The following MAST4 variants were observed in gnomAD, a reference collection of about 807,000 sequenced individuals.
MAST4 encodes the protein microtubule-associated serine/threonine-protein kinase 4.
Under a neutral mutation model 162.7 loss-of-function variants are expected in MAST4, and 89 were observed. The ratio of observed to expected loss-of-function variants is 0.55; its 90% confidence interval spans 0.46 to 0.65. The LOEUF (loss-of-function observed/expected upper bound fraction) is 0.65, where lower values mean the gene tolerates loss of function less well. Ranked by LOEUF, MAST4 falls within the 30% of genes least tolerant of loss-of-function variation. The pLI is 0.00. For synonymous variants in MAST4, 1,479 were observed against 1,361.1 expected (o/e 1.09, Z -1.91); for missense variants, 3,153 against 3,374.0 (o/e 0.93, Z 1.62).
At chr5:67,018,316 G>A (rs1480786995) in intron 4 of MAST4, among the ~76,000 whole-genome samples, 2 of 152,138 alleles carry the variant, frequency 1.3e-5, no homozygotes, top group Admixed American at 1.3e-4. Flanking sequence ...GGTCATTTGA[G>A]CCCTGGAGTT....
chr5:67,068,329 G>A (rs1760491920), intron 5 of MAST4, among the ~76,000 whole-genome samples: 1 of 152,146 alleles, frequency 6.6e-6, no homozygotes, highest in African/African-American at 2.4e-5. Flanking sequence ...TGCATGGCTG[G>A]GAAGGCCTCA....
chr5:66,901,768 G>A (rs1177492852), intron 4 of MAST4, among the ~76,000 whole-genome samples: 1 of 152,010 alleles, frequency 6.6e-6, no homozygotes, highest in Non-Finnish European at 1.5e-5. Flanking sequence ...ATGCTATTTT[G>A]TATTTTCTAT....
chr5:66,822,477 G>A (rs1416943162), intron 3 of MAST4, among the ~76,000 whole-genome samples: 2 of 152,210 alleles, frequency 1.3e-5, no homozygotes, highest in Admixed American at 6.5e-5. Flanking sequence ...GTAAATAAAT[G>A]TGTTATATTT....
At chr5:66,887,785 C>T (rs542196986) in intron 3 of MAST4, among the ~76,000 whole-genome samples, 1 of 152,336 alleles carries the variant, frequency 6.6e-6, no homozygotes, top group Non-Finnish European at 1.5e-5. Flanking sequence ...GCAGCCACAG[C>T]TGTACTAGTT....
intron 4 of MAST4, among the ~76,000 whole-genome samples, chr5:66,976,590 G>A (rs1333447770): frequency 3.9e-5 from 6 of 152,232 alleles, no homozygotes; most frequent in Non-Finnish European, 8.8e-5. Context: ...CAACTTTGGA[G>A]AAAAGAACAA....
intron 23 of MAST4, among the ~76,000 whole-genome samples, chr5:67,146,037 G>T (rs184809575): frequency 6.6e-6 from 1 of 152,342 alleles, no homozygotes; most frequent in Admixed American, 6.5e-5. Context: ...GATTTAAATT[G>T]ATAGTTTACG....
intron 3 of MAST4, among the ~76,000 whole-genome samples, chr5:66,841,788 C>T (rs1580611299): frequency 2.0e-5 from 3 of 152,060 alleles, no homozygotes; most frequent in African/African-American, 7.2e-5. Context: ...CTAGCTCTGG[C>T]GAGGCAAATG....
At chr5:66,675,986 G>A (rs747365506) in intron 1 of MAST4, among the ~76,000 whole-genome samples, 21 of 152,176 alleles carry the variant, frequency 1.4e-4, no homozygotes, top group Non-Finnish European at 2.5e-4. Context: ...TGGGAATCAC[G>A]TGTGTCCATC....
At chr5:67,011,122 T>C (rs1561530059) in intron 4 of MAST4, among the ~76,000 whole-genome samples, 1 of 152,160 alleles carries the variant, frequency 6.6e-6, no homozygotes, top group African/African-American at 2.4e-5. Flanking sequence ...GACTGTTCCT[T>C]TGTGACATGT....
chr5:66,978,798 A>C (rs1032555686), intron 4 of MAST4, among the ~76,000 whole-genome samples: 6 of 152,210 alleles, frequency 3.9e-5, no homozygotes, highest in Non-Finnish European at 5.9e-5. Context: ...TTGGAAATAG[A>C]CTATAGTGTT....
chr5:66,887,960 G>A (rs892557733), intron 3 of MAST4, among the ~76,000 whole-genome samples: 3 of 152,000 alleles, frequency 2.0e-5, no homozygotes, highest in African/African-American at 7.2e-5. Flanking sequence ...TGTAATCCCA[G>A]CACTTTGGGA....
chr5:66,666,773 C>T (rs1747288278), intron 1 of MAST4, among the ~76,000 whole-genome samples: 1 of 152,150 alleles, frequency 6.6e-6, no homozygotes, highest in Non-Finnish European at 1.5e-5. Context: ...AATTAATAGT[C>T]CTGAGAAATG....
At position 66,771,496 on chromosome 5, in the gene MAST4, T is replaced by C. The variant is rs905910143; in HGVS notation, c.517+11634T>C. On this transcript the variant is annotated intron_variant, in intron 2 of 28. Coordinates refer to ENST00000403625, the MANE Select transcript of MAST4 (RefSeq NM_001164664.2). ...CCACTGTGCCTGGCCTGTGTGTAAA[T>C]ATATTTCTATCGGGAGGCTCTGTAT... Among the ~76,000 whole-genome samples the C allele has an allele frequency of 2.6e-5, 4 of 152,250 alleles. No homozygotes were observed. The East Asian group carries it at 7.7e-4, about 29-fold the overall frequency.
intron 3 of MAST4, among the ~76,000 whole-genome samples, chr5:66,822,020 C>T (rs1757019726): frequency 6.6e-6 from 1 of 152,204 alleles, no homozygotes. Flanking sequence ...AAGGTTGCCT[C>T]TTCTTCACTT....
chr5:66,986,847 A>T (rs1749567134), intron 4 of MAST4, among the ~76,000 whole-genome samples: 1 of 151,974 alleles, frequency 6.6e-6, no homozygotes, highest in Admixed American at 6.6e-5. Context: ...CCTGGCCTCA[A>T]GCAATGCTCC....
At chr5:66,857,321 G>A (rs1580673239) in intron 3 of MAST4, among the ~76,000 whole-genome samples, 1 of 152,218 alleles carries the variant, frequency 6.6e-6, no homozygotes. Flanking sequence ...GGTGTGTCTA[G>A]TTTGGGTTTT....
At chr5:67,013,544 T>C (rs77541412) in intron 4 of MAST4, among the ~76,000 whole-genome samples, 4,078 of 152,298 alleles carry the variant, frequency 0.027, 188 homozygotes, top group African/African-American at 0.091. Context: ...AGTGTATGTT[T>C]ATGTCTCACG....
At position 66,703,449 on chromosome 5, in the gene MAST4, G is replaced by A. The variant is rs962391286; in HGVS notation, c.364-56260G>A. Among the ~76,000 whole-genome samples, 4 of 152,158 alleles carry A rather than the reference G, an allele frequency of 2.6e-5. 1 individual carries two copies. The highest frequency in any genetic ancestry group is 4.8e-5 in the African/African-American group (2 of 41,440). On this transcript the variant is annotated intron_variant, in intron 1 of 28. Transcript: ENST00000403625. Reference sequence around the variant, plus strand: ...AGGTTTATTAGTTGAATCGGTGGGAGCATGGGGGTGTAGGGATAGGGAATG... The same window carrying A: ...AGGTTTATTAGTTGAATCGGTGGGAACATGGGGGTGTAGGGATAGGGAATG...
At chr5:67,056,855 C>T (rs1448441042) in intron 5 of MAST4, among the ~76,000 whole-genome samples, 2 of 150,948 alleles carry the variant, frequency 1.3e-5, no homozygotes, top group Non-Finnish European at 1.5e-5. Flanking sequence ...GCCACCATGC[C>T]CAGCTAATTT....
Sources: gnomAD v4.1 joint callset for allele counts (sites outside exome capture counted in the v4.1 genomes callset) on GRCh38, gnomAD v4.1.1 for gene constraint, MANE v1.5 for transcripts, NCBI Gene and HGNC (gene_info 2026-07-23, HGNC 2026-07-21) for gene names.